LRRCC1: variants seen among roughly 807,000 people sequenced by gnomAD.
LRRCC1 encodes the protein leucine-rich repeat and coiled-coil domain-containing protein 1.
LRRCC1 carries 115 observed loss-of-function variants against 126.0 expected under a neutral mutation model. The observed-to-expected ratio is 0.91, with a 90% CI of 0.78 to 1.07. The LOEUF is 1.07. Ranked by LOEUF, LRRCC1 falls within the 50% of genes least tolerant of loss-of-function variation. The pLI, the probability that LRRCC1 is intolerant of heterozygous loss-of-function variation, is 0.00. For missense variants in LRRCC1, 1,172 were observed against 1,175.7 expected (o/e 1.00, Z 0.05); for synonymous variants, 400 against 393.4 (o/e 1.02, Z -0.20).
Position 85,109,636 on chromosome 8 carries a change from A to G in LRRCC1, c.146A>G (p.Asn49Ser). 4 of 1,611,394 alleles carry G rather than the reference A, an allele frequency of 2.5e-6. No individual in the cohort carries two copies. Among genetic ancestry groups the G allele is most frequent in the Non-Finnish European group, 3.4e-6 (4 of 1,178,078 alleles). Reference protein sequence around the residue: ...LSLDSTLHAVNLHCNNISKIE... With the variant: ...LSLDSTLHAVSLHCNNISKIE... Reference sequence around the variant, plus strand: ...TTAGATTCAACTCTTCATGCCGTCAATCTTCATTGCAATAACATCTCCAAG... The same window carrying G: ...TTAGATTCAACTCTTCATGCCGTCAGTCTTCATTGCAATAACATCTCCAAG... The change falls in exon 2 of 19, where the codon AAT becomes AGT. Residue 49 changes from asparagine to serine, a missense_variant. Transcript: ENST00000360375.
chr8:85,145,355 G>T (rs1227026293), intron 18 of LRRCC1, 34 bp from the exon 19 acceptor site: 15 of 1,381,556 alleles, frequency 1.1e-5, no homozygotes, highest in South Asian at 1.7e-5. Context: ...TTTTCTTTAA[G>T]AAATTAAAAT....
intron 7 of LRRCC1, among the ~76,000 whole-genome samples, chr8:85,124,324 G>C (rs868188890): frequency 6.6e-6 from 1 of 152,086 alleles, no homozygotes; most frequent in East Asian, 1.9e-4. Flanking sequence ...CACACACACA[G>C]AGGCATTCAG....
At chr8:85,110,945 C>T (rs936809627) in intron 3 of LRRCC1, among the ~76,000 whole-genome samples, 1 of 152,192 alleles carries the variant, frequency 6.6e-6, no homozygotes, top group African/African-American at 2.4e-5. Context: ...TTCTCCCCCA[C>T]TAAAAGAACA....
intron 18 of LRRCC1, among the ~76,000 whole-genome samples, chr8:85,144,464 ATATATATATATT>A (rs1563963492): frequency 3.2e-5 from 1 of 31,146 alleles, no homozygotes; most frequent in African/African-American, 1.6e-4. Context: ...ATATATATAT[ATATATATATATT>A]TTTTTTTTTT....
In LRRCC1 at chr8:85,123,453, G is replaced by A. The variant is rs754546258; in HGVS notation, c.971G>A (p.Arg324Lys). The change falls in exon 7 of 19, where the codon AGA becomes AAA. Residue 324 changes from arginine (R) to lysine (K), a missense_variant. Arg to Lys is a conservative substitution (Grantham distance 26). Transcript: ENST00000360375. ...GATAACGTTCTTGAGAAAGACCCCA[G>A]ACCAAAAAGAGACACAGATATAACT... ...SIDNVLEKDP[R>K]PKRDTDITSE... 5 of 1,604,886 alleles carry A rather than the reference G, an allele frequency of 3.1e-6. No homozygotes were observed. In the South Asian group the frequency reaches 5.6e-5, roughly 18 times the overall value.
rs371117282 is a variant in LRRCC1, at chr8:85,115,488, A to G, written c.834A>G (p.Gln278=). The G allele has an allele frequency of 1.1e-4, 173 of 1,613,722 alleles. No individual in the cohort carries two copies. The highest frequency in any genetic ancestry group is 3.1e-4 in the African/African-American group (23 of 74,898). Residue 278 remains glutamine (Q), a synonymous_variant, in exon 6 of 19, where the codon CAA becomes CAG. Coordinates refer to ENST00000360375, the MANE Select transcript of LRRCC1 (RefSeq NM_033402.5). ...TGACGTCTTTTATGTCTGTGTGTCAATCTTCTGAGCCAGAGAAAAATAATC... is the reference window on the plus strand; with the variant it reads ...TGACGTCTTTTATGTCTGTGTGTCAGTCTTCTGAGCCAGAGAAAAATAATC... ...AVLTSFMSVC[Q]SSEPEKNNHE...
intron 18 of LRRCC1, 134 bp downstream of exon 18, chr8:85,141,651 A>C (rs543998135): frequency 7.5e-5 from 48 of 639,502 alleles, no homozygotes; most frequent in Non-Finnish European, 1.1e-4. Context: ...ATGTTACCAA[A>C]ACTATCCTAA....
At position 85,110,112 on chromosome 8, in the gene LRRCC1, T is replaced by TA. The variant is rs1808591457; in HGVS notation, c.311-2dup. 1 of 1,160,842 alleles carries TA rather than the reference T, an allele frequency of 8.6e-7. No homozygotes were observed. The highest frequency in any genetic ancestry group is 1.5e-5 in the South Asian group (1 of 67,310). The allele number at this position is 1,160,842 out of a possible 1,614,324, so 71.9% of individuals were successfully genotyped here. ...TTTATTTTATTTTACTTTTTTTTTT[T>TA]AGGACTTGAAGAACTAATTAATCTG... On this transcript the variant is annotated splice_polypyrimidine_tract_variant and splice_region_variant and intron_variant, in intron 2 of 18. Coordinates refer to ENST00000360375, the MANE Select transcript of LRRCC1 (RefSeq NM_033402.5).
intron 3 of LRRCC1, among the ~76,000 whole-genome samples, 157 bp downstream of exon 3, chr8:85,110,337 G>A (rs997692529): frequency 6.6e-6 from 1 of 152,092 alleles, no homozygotes; most frequent in African/African-American, 2.4e-5. Flanking sequence ...ATTCTATTTT[G>A]TTGGTACCAA....
intron 6 of LRRCC1, among the ~76,000 whole-genome samples, chr8:85,119,245 T>A (rs1809339548): frequency 6.6e-6 from 1 of 152,088 alleles, no homozygotes; most frequent in African/African-American, 2.4e-5. Context: ...TTGTTAATAT[T>A]CCCTTATTAT....
At chr8:85,125,765 TTTCA>T (rs2135957576) in intron 8 of LRRCC1, among the ~76,000 whole-genome samples, 2 of 151,966 alleles carry the variant, frequency 1.3e-5, no homozygotes, top group Admixed American at 1.3e-4. Flanking sequence ...GTACTTGTGG[TTTCA>T]TTATTTTATA....
chr8:85,125,014 T>C lies in LRRCC1; in HGVS notation c.1272+75T>C. 3 of 1,035,608 alleles carry C rather than the reference T, an allele frequency of 2.9e-6. No individual in the cohort carries two copies. In the East Asian group the frequency reaches 8.4e-5, roughly 29 times the overall value. The allele number at this position is 1,035,608 out of a possible 1,614,324, so 64.2% of individuals were successfully genotyped here. The stretch of plus-strand genomic sequence containing the variant: ...AGAGTCCCAGAAAAATTATGCATGC[T>C]TTTATTAGCAAAAAGTGTTTGAATT... On this transcript the variant is annotated intron_variant, in intron 8 of 18. Coordinates refer to ENST00000360375, the MANE Select transcript of LRRCC1 (RefSeq NM_033402.5).
intron 9 of LRRCC1, among the ~76,000 whole-genome samples, chr8:85,128,709 ATTC>A (rs1810205476): frequency 6.6e-6 from 1 of 152,012 alleles, no homozygotes; most frequent in Non-Finnish European, 1.5e-5. Context: ...AGGTGGATTC[ATTC>A]TTCTTCCTTA....
At chr8:85,130,110 A>G in intron 11 of LRRCC1, 52 bp downstream of exon 11, 1 of 1,357,296 alleles carries the variant, frequency 7.4e-7, no homozygotes, top group Non-Finnish European at 9.9e-7. Flanking sequence ...AAGAAAAAGA[A>G]AGCTACTGGT....
chr8:85,127,452 C>A (rs920293135), intron 9 of LRRCC1, among the ~76,000 whole-genome samples: 3 of 152,114 alleles, frequency 2.0e-5, no homozygotes, highest in Admixed American at 2.0e-4. Context: ...ATGATTATAA[C>A]ATGTTTAGAG....
chr8:85,110,312 C>G, intron 3 of LRRCC1, 132 bp downstream of exon 3: 1 of 409,350 alleles, frequency 2.4e-6, no homozygotes, highest in South Asian at 7.2e-5. Flanking sequence ...ATCTAGAGAG[C>G]GTATTCCAGT....
At chr8:85,133,943 C>T (rs760278923) in intron 12 of LRRCC1, among the ~76,000 whole-genome samples, 1 of 152,162 alleles carries the variant, frequency 6.6e-6, no homozygotes, top group Non-Finnish European at 1.5e-5. Flanking sequence ...AAACACTTCA[C>T]AATCTAACCC....
At chr8:85,122,093 G>A (rs983979915) in intron 6 of LRRCC1, among the ~76,000 whole-genome samples, 1 of 151,880 alleles carries the variant, frequency 6.6e-6, no homozygotes, top group Non-Finnish European at 1.5e-5. Flanking sequence ...TACTGTGCCT[G>A]GCCTCCATAG....
chr8:85,136,508 C>T (rs1214217602), intron 14 of LRRCC1, among the ~76,000 whole-genome samples: 1 of 152,076 alleles, frequency 6.6e-6, no homozygotes, highest in East Asian at 1.9e-4. Flanking sequence ...CTCCTGACCT[C>T]AGGTGATCCG....
Sources: allele counts gnomAD v4.1 joint callset (sites outside exome capture counted in the v4.1 genomes callset), GRCh38; gene constraint gnomAD v4.1.1; transcripts MANE v1.5; gene names NCBI Gene and HGNC (gene_info 2026-07-23, HGNC 2026-07-21).